The following TRIM9 variants were observed in gnomAD, a reference collection of about 807,000 sequenced individuals.
TRIM9 encodes the protein tripartite motif containing 9, also known as E3 ubiquitin-protein ligase TRIM9.
A neutral mutation model predicts 78.3 loss-of-function variants in TRIM9; 26 were observed. The ratio of observed to expected loss-of-function variants is 0.33; its 90% CI spans 0.24 to 0.46. The LOEUF is 0.46. Ranked by LOEUF, TRIM9 falls within the 20% of genes least tolerant of loss-of-function variation. The pLI, the probability that TRIM9 is intolerant of heterozygous loss-of-function variation, is 1.00. For synonymous variants in TRIM9, 398 were observed against 416.5 expected, an observed-to-expected ratio of 0.96 and a Z score of 0.54; for missense variants, 787 against 1,036.4, an observed-to-expected ratio of 0.76 and a Z score of 3.30.
Position 50,979,532 on chromosome 14 carries a change from G to A in TRIM9, c.2180C>T (p.Thr727Ile), listed in dbSNP as rs1310032927. Residue 727 changes from threonine to isoleucine, a missense_variant, in exon 12 of 13, where the codon ACA (threonine) becomes ATA (isoleucine). By Grantham distance (89) the Thr-to-Ile change is moderately conservative. Coordinates refer to ENST00000684578, the MANE Select transcript of TRIM9 (RefSeq NM_001387360.1). Reference protein sequence around the residue: ...SHTNRTEGGITKGATIGVLLD... With the variant: ...SHTNRTEGGIIKGATIGVLLD... Reference sequence around the variant, plus strand: ...GAGGACCCCAATTGTGGCCCCTTTTGTGATCCCTCCCTCAGTTCTGTAGGA... The same window carrying A: ...GAGGACCCCAATTGTGGCCCCTTTTATGATCCCTCCCTCAGTTCTGTAGGA... 1.2e-6 allele frequency: 2 copies of A among 1,614,004 alleles called. No homozygotes were observed. The highest frequency in any genetic ancestry group is 1.7e-6 in the Non-Finnish European group (2 of 1,179,962).
chr14:51,090,265 A>T (rs926120045), intron 1 of TRIM9, among the ~76,000 whole-genome samples: 1 of 152,228 alleles, frequency 6.6e-6, no homozygotes, highest in Non-Finnish European at 1.5e-5. Context: ...TATAGACTAT[A>T]TTGTGTTTAC....
At chr14:51,003,573 T>C (rs2055365095) in intron 5 of TRIM9, among the ~76,000 whole-genome samples, 1 of 152,142 alleles carries the variant, frequency 6.6e-6, no homozygotes. Context: ...AAATACATGA[T>C]GTCATGTGTA....
intron 1 of TRIM9, among the ~76,000 whole-genome samples, chr14:51,044,299 T>A (rs1284040842): frequency 6.6e-6 from 1 of 152,138 alleles, no homozygotes; most frequent in African/African-American, 2.4e-5. Context: ...CCAACTGCCT[T>A]CTAAATATCC....
intron 3 of TRIM9, among the ~76,000 whole-genome samples, chr14:51,014,853 C>T (rs911837013): frequency 2.0e-5 from 3 of 152,114 alleles, no homozygotes; most frequent in Non-Finnish European, 2.9e-5. Context: ...CTTGGCATCA[C>T]GTATGCAGTG....
intron 3 of TRIM9, among the ~76,000 whole-genome samples, chr14:51,020,058 C>G (rs1225376674): frequency 6.6e-6 from 1 of 152,216 alleles, no homozygotes; most frequent in East Asian, 1.9e-4. Flanking sequence ...CACAACTCCT[C>G]TCTTTGTCAG....
chr14:50,989,465 A>AT (rs902267198), intron 7 of TRIM9, among the ~76,000 whole-genome samples: 50 of 151,272 alleles, frequency 3.3e-4, no homozygotes, highest in African/African-American at 8.0e-4. Context: ...TGAGGTTGTC[A>AT]TTTTTTTTTC....
chr14:51,024,646 T>A (rs964661954), intron 2 of TRIM9, among the ~76,000 whole-genome samples: 1 of 152,230 alleles, frequency 6.6e-6, no homozygotes, highest in African/African-American at 2.4e-5. Context: ...GAATTGCTGG[T>A]CATTGTGTCT....
chr14:51,015,308 C>A (rs1486030655), intron 3 of TRIM9, among the ~76,000 whole-genome samples: 1 of 151,908 alleles, frequency 6.6e-6, no homozygotes, highest in Non-Finnish European at 1.5e-5. Flanking sequence ...ACTAACAGAC[C>A]AATCTCCTTC....
chr14:51,048,784 A>ACGATC (rs1209449534), intron 1 of TRIM9, among the ~76,000 whole-genome samples: 3 of 152,038 alleles, frequency 2.0e-5, no homozygotes, highest in Admixed American at 2.0e-4. Flanking sequence ...GGAGATCGAG[A>ACGATC]CCATCCTGGC....
chr14:51,018,380 T>C (rs535673558), intron 3 of TRIM9, among the ~76,000 whole-genome samples: 1 of 152,022 alleles, frequency 6.6e-6, no homozygotes, highest in South Asian at 2.1e-4. Flanking sequence ...CTTTCTTTCT[T>C]TCCTCTCTCT....
chr14:51,000,296 T>C (rs549191420), intron 6 of TRIM9, among the ~76,000 whole-genome samples: 3 of 152,362 alleles, frequency 2.0e-5, no homozygotes, highest in Admixed American at 6.5e-5. Flanking sequence ...TTGTATGAAT[T>C]ATCTAATGGA....
intron 1 of TRIM9, among the ~76,000 whole-genome samples, chr14:51,062,744 T>C (rs1447176628): frequency 6.6e-6 from 1 of 152,198 alleles, no homozygotes; most frequent in Non-Finnish European, 1.5e-5. Context: ...AATGCTTGGC[T>C]AATCCCTGAA....
intron 1 of TRIM9, among the ~76,000 whole-genome samples, chr14:51,084,207 C>T (rs2063558256): frequency 6.6e-6 from 1 of 152,020 alleles, no homozygotes; most frequent in Non-Finnish European, 1.5e-5. Context: ...ACCAGAGCAA[C>T]CAGAAATCCA....
intron 1 of TRIM9, among the ~76,000 whole-genome samples, chr14:51,042,370 GATCTGAA>G (rs1278379672): frequency 1.3e-5 from 2 of 152,128 alleles, no homozygotes; most frequent in Non-Finnish European, 2.9e-5. Flanking sequence ...GCTTAGGAAG[GATCTGAA>G]ACCTGTCACT....
chr14:51,040,409 C>T (rs909818572), intron 1 of TRIM9, among the ~76,000 whole-genome samples: 11 of 152,268 alleles, frequency 7.2e-5, no homozygotes, highest in East Asian at 3.9e-4. Flanking sequence ...CGGCAGCACC[C>T]GACATCTAGT....
intron 12 of TRIM9, 57 bp downstream of exon 12, chr14:50,979,330 C>G: frequency 1.2e-6 from 2 of 1,613,994 alleles, no homozygotes; most frequent in Non-Finnish European, 1.7e-6. Context: ...CGGCCCTGGG[C>G]AGCCTTTGAA....
intron 1 of TRIM9, among the ~76,000 whole-genome samples, chr14:51,052,646 C>T (rs938720680): frequency 2.0e-5 from 3 of 152,180 alleles, no homozygotes; most frequent in East Asian, 1.9e-4. Flanking sequence ...CAGGCAGAGG[C>T]GGCCAAAATT....
rs374114307 is a variant in TRIM9, at chr14:51,042,347, T to C, written c.823-16987A>G. On this transcript the variant is annotated intron_variant, in intron 1 of 12. Coordinates refer to ENST00000684578, the MANE Select transcript of TRIM9 (RefSeq NM_001387360.1). Reference sequence around the variant, plus strand: ...CCTCTGGTGCCAGTCTCCTCTTCCTTCCTCCTCTCAAAGCTTAGGAAGGAT... The same window carrying C: ...CCTCTGGTGCCAGTCTCCTCTTCCTCCCTCCTCTCAAAGCTTAGGAAGGAT... 8.2e-4 allele frequency among the ~76,000 whole-genome samples: 125 copies of C among 152,270 alleles called. 1 individual carries two copies. In the South Asian group the frequency reaches 0.022, roughly 27 times the overall value.
intron 1 of TRIM9, among the ~76,000 whole-genome samples, chr14:51,086,372 C>A (rs1027524517): frequency 2.6e-5 from 4 of 152,140 alleles, no homozygotes; most frequent in Non-Finnish European, 5.9e-5. Context: ...ATCTTTAGAG[C>A]AGTGCCTGCA....
Sources: gnomAD v4.1 joint callset for allele counts (sites outside exome capture counted in the v4.1 genomes callset) on GRCh38, gnomAD v4.1.1 for gene constraint, MANE v1.5 for transcripts, NCBI Gene and HGNC (gene_info 2026-07-23, HGNC 2026-07-21) for gene names.